The following PDLIM5 variants were observed in gnomAD, a reference collection of about 807,000 sequenced individuals.
PDLIM5 encodes PDZ and LIM domain 5.
PDLIM5 carries 34 observed loss-of-function variants against 64.2 expected under a neutral mutation model. The observed-to-expected ratio is 0.53, with a 90% confidence interval of 0.40 to 0.71. The LOEUF (loss-of-function observed/expected upper bound fraction) is 0.71, where lower values mean the gene tolerates loss of function less well. PDLIM5 is among the 30% of genes least tolerant of loss of function. PDLIM5 has a pLI of 0.00. For synonymous variants in PDLIM5, 253 were observed against 269.1 expected, an observed-to-expected ratio of 0.94 and a Z score of 0.59; for missense variants, 683 against 733.6, an observed-to-expected ratio of 0.93 and a Z score of 0.80.
chr4:94,610,805 A>G (rs1432098093), intron 7 of PDLIM5, among the ~76,000 whole-genome samples: 2 of 152,164 alleles, frequency 1.3e-5, no homozygotes, highest in Non-Finnish European at 2.9e-5. Context: ...AGAGCTTCAA[A>G]TGCTTTCTAA....
intron 7 of PDLIM5, chr4:94,586,859 C>T (rs753730023): frequency 1.1e-5 from 9 of 853,234 alleles, no homozygotes; most frequent in Non-Finnish European, 1.6e-5. Context: ...CTTAATAAAA[C>T]AGCTATGTGA....
At chr4:94,527,821 G>A (rs1324992471) in intron 3 of PDLIM5, among the ~76,000 whole-genome samples, 5 of 152,212 alleles carry the variant, frequency 3.3e-5, no homozygotes, top group Non-Finnish European at 5.9e-5. Context: ...TGCCCTGGAA[G>A]TATGTTGTGT....
At chr4:94,489,551 C>CAT (rs938259206) in intron 2 of PDLIM5, among the ~76,000 whole-genome samples, 19 of 151,720 alleles carry the variant, frequency 1.3e-4, no homozygotes, top group African/African-American at 4.6e-4. Context: ...TCTTTTATGA[C>CAT]ATATATATAA....
chr4:94,526,544 T>C (rs1395183897), intron 3 of PDLIM5, among the ~76,000 whole-genome samples: 11 of 152,062 alleles, frequency 7.2e-5, no homozygotes, highest in Admixed American at 7.2e-4. Flanking sequence ...TTTGATAGAG[T>C]GTGTGGTTAA....
chr4:94,465,994 C>G (rs542349919), intron 2 of PDLIM5, among the ~76,000 whole-genome samples: 38 of 151,746 alleles, frequency 2.5e-4, no homozygotes, highest in Non-Finnish European at 1.5e-4. Flanking sequence ...CAGGGTCTTG[C>G]TCTGTGGCAT....
chr4:94,456,370 G>C, intron 2 of PDLIM5: 1 of 636,790 alleles, frequency 1.6e-6, no homozygotes, highest in Non-Finnish European at 2.8e-6. Context: ...GGCTAATTTT[G>C]TATTTTTAGT....
chr4:94,541,024 C>T (rs1007872466), intron 3 of PDLIM5, among the ~76,000 whole-genome samples: 2 of 152,146 alleles, frequency 1.3e-5, no homozygotes, highest in African/African-American at 2.4e-5. Flanking sequence ...GTACCATCTG[C>T]GTGTATACTT....
intron 5 of PDLIM5, 35 bp from the exon 6 acceptor site, chr4:94,585,530 A>T: frequency 1.5e-6 from 2 of 1,358,494 alleles, no homozygotes; most frequent in Non-Finnish European, 1.0e-6. Flanking sequence ...ATATAACTTT[A>T]CAATTTTTAA....
At chr4:94,489,650 G>T (rs1726678845) in intron 2 of PDLIM5, among the ~76,000 whole-genome samples, 1 of 151,880 alleles carries the variant, frequency 6.6e-6, no homozygotes, top group Non-Finnish European at 1.5e-5. Context: ...ACAAGGCCTG[G>T]CACAGTGGCT....
At chr4:94,551,480 G>A (rs1732801374) in intron 3 of PDLIM5, among the ~76,000 whole-genome samples, 3 of 152,066 alleles carry the variant, frequency 2.0e-5, no homozygotes, top group African/African-American at 2.4e-5. Flanking sequence ...AGTTTAAAAC[G>A]CTTGAAGCAG....
chr4:94,615,311 T>TTG lies in PDLIM5; in HGVS notation c.921-2693_921-2692insTG, dbSNP rs1390621334. On this transcript the variant is annotated intron_variant, in intron 7 of 12. Coordinates refer to ENST00000317968, the MANE Select transcript of PDLIM5 (RefSeq NM_006457.5). Reference sequence around the variant, plus strand: ...CAGCTATTACAAATCAGCATAAAATTATATGCCATGCAGTTAACGAATGTC... The same window carrying TTG: ...CAGCTATTACAAATCAGCATAAAATTTGATATGCCATGCAGTTAACGAATGTC... 3.3e-5 allele frequency among the ~76,000 whole-genome samples: 5 copies of TTG among 152,172 alleles called. No individual in the cohort carries two copies. In the East Asian group the frequency reaches 9.6e-4, roughly 29 times the overall value.
chr4:94,526,539 TAG>T (rs891089584), intron 3 of PDLIM5, among the ~76,000 whole-genome samples: 1 of 152,180 alleles, frequency 6.6e-6, no homozygotes, highest in African/African-American at 2.4e-5. Context: ...CCTGTTTTGA[TAG>T]AGTGTGTGGT....
intron 8 of PDLIM5, 98 bp from the exon 9 acceptor site, chr4:94,640,178 A>T: frequency 1.7e-6 from 1 of 592,602 alleles, no homozygotes; most frequent in East Asian, 3.0e-5. Flanking sequence ...TAACAAGTGA[A>T]TAGATTACTG....
intron 2 of PDLIM5, among the ~76,000 whole-genome samples, chr4:94,511,437 C>T (rs1452384382): frequency 6.6e-6 from 1 of 151,996 alleles, no homozygotes; most frequent in Admixed American, 6.6e-5. Flanking sequence ...GGTCTCCATC[C>T]CCTGAAGCAT....
intron 3 of PDLIM5, among the ~76,000 whole-genome samples, chr4:94,530,753 A>C (rs1730805300): frequency 6.6e-6 from 1 of 152,128 alleles, no homozygotes. Flanking sequence ...AAACAACAAA[A>C]AGATTGCCAG....
intron 2 of PDLIM5, among the ~76,000 whole-genome samples, chr4:94,480,951 A>G (rs1237961195): frequency 1.3e-5 from 2 of 152,184 alleles, no homozygotes; most frequent in African/African-American, 2.4e-5. Context: ...GGAAATAATT[A>G]TACTGTATGT....
intron 11 of PDLIM5, 102 bp from the exon 12 acceptor site, chr4:94,662,320 C>T (rs1422628768): frequency 1.8e-6 from 1 of 555,722 alleles, no homozygotes; most frequent in Admixed American, 2.6e-5. Context: ...TCTTTGTCTT[C>T]AGCATCTCAT....
chr4:94,539,835 G>A (rs1731630234), intron 3 of PDLIM5, among the ~76,000 whole-genome samples: 1 of 152,072 alleles, frequency 6.6e-6, no homozygotes, highest in Non-Finnish European at 1.5e-5. Context: ...TAGTTCAGTG[G>A]GGCAAAAATA....
intron 9 of PDLIM5, among the ~76,000 whole-genome samples, chr4:94,646,035 T>C (rs1179165344): frequency 6.6e-6 from 1 of 152,240 alleles, no homozygotes; most frequent in Admixed American, 6.5e-5. Flanking sequence ...GGGCTCACTT[T>C]TCTAGTTTCT....
Sources: gnomAD v4.1 joint callset for allele counts (sites outside exome capture counted in the v4.1 genomes callset) on GRCh38, gnomAD v4.1.1 for gene constraint, MANE v1.5 for transcripts, NCBI Gene and HGNC (gene_info 2026-07-23, HGNC 2026-07-21) for gene names.